Variants in CACNA1D observed in about 807,000 individuals in gnomAD.
The protein encoded by CACNA1D is calcium voltage-gated channel subunit alpha1 D.
A neutral mutation model predicts 257.1 loss-of-function variants in CACNA1D; 55 were observed. The ratio of observed to expected loss-of-function variants is 0.21; its 90% CI spans 0.17 to 0.27. The LOEUF is 0.27. Ranked by LOEUF, CACNA1D falls within the 10% of genes least tolerant of loss-of-function variation. CACNA1D has a pLI of 1.00. For missense variants in CACNA1D, 1,876 were observed against 2,784.0 expected (o/e 0.67, Z 7.34); for synonymous variants, 980 against 1,014.9 (o/e 0.97, Z 0.65).
At chr3:53,556,981 G>A (rs1301023547) in intron 3 of CACNA1D, among the ~76,000 whole-genome samples, 1 of 152,084 alleles carries the variant, frequency 6.6e-6, no homozygotes, top group Non-Finnish European at 1.5e-5. Context: ...CTCCCAAAGT[G>A]CTGGGATTAC....
chr3:53,666,452 A>C lies in CACNA1D; in HGVS notation c.1033A>C (p.Thr345Pro), dbSNP rs1199547685. 4.3e-6 allele frequency: 7 copies of C among 1,614,062 alleles called. No homozygotes were observed. The highest frequency in any genetic ancestry group is 2.2e-5 in the South Asian group (2 of 91,084). Residue 345 changes from threonine to proline, a missense_variant, in exon 7 of 48, where the codon ACC (threonine) becomes CCC (proline). By Grantham distance (38) the Thr-to-Pro change is conservative (BLOSUM62 -1). Transcript: ENST00000350061. ...CTGGGTTGGCCCGAACGGAGGCATCACCAACTTTGATAACTTTGCCTTTGC... is the reference window on the plus strand; with the variant it reads ...CTGGGTTGGCCCGAACGGAGGCATCCCCAACTTTGATAACTTTGCCTTTGC... ...SGWVGPNGGI[T>P]NFDNFAFAML...
At chr3:53,732,146 C>T in intron 18 of CACNA1D, 64 bp downstream of exon 18, 2 of 1,273,156 alleles carry the variant, frequency 1.6e-6, no homozygotes, top group Admixed American at 3.4e-5. Flanking sequence ...TCTGTGACCA[C>T]CTGCCGAGTC....
chr3:53,752,738 T>C (rs548456075), intron 28 of CACNA1D, among the ~76,000 whole-genome samples: 1 of 152,246 alleles, frequency 6.6e-6, no homozygotes, highest in Admixed American at 6.5e-5. Flanking sequence ...AGAGTAACAC[T>C]CAATGTTGGA....
chr3:53,800,489 G>C lies in CACNA1D; in HGVS notation c.5040+124G>C. 1 of 787,212 alleles carries C rather than the reference G, an allele frequency of 1.3e-6. No homozygotes were observed. The highest frequency in any genetic ancestry group is 2.4e-5 in the East Asian group (1 of 40,894). The allele number at this position is 787,212 out of a possible 1,614,324, so 48.8% of individuals were successfully genotyped here. The stretch of plus-strand genomic sequence containing the variant: ...GCAGCCCATCCCCAGGGCCTAGAGG[G>C]GCTTTCAGACCACACCCTCCCCCTC... On this transcript the variant is annotated intron_variant, in intron 41 of 47. Coordinates refer to ENST00000350061, the MANE Select transcript of CACNA1D (RefSeq NM_001128840.3). The surrounding 1 kb of genome is among the most constrained non-coding windows in gnomAD (Gnocchi z 4.3).
intron 3 of CACNA1D, among the ~76,000 whole-genome samples, chr3:53,555,881 G>A (rs895027812): frequency 6.6e-6 from 1 of 152,092 alleles, no homozygotes; most frequent in Non-Finnish European, 1.5e-5. Context: ...ATACAGTTCT[G>A]TGAGCTTTAA....
intron 9 of CACNA1D, among the ~76,000 whole-genome samples, chr3:53,712,023 A>C (rs1287811089): frequency 6.6e-6 from 1 of 152,268 alleles, no homozygotes; most frequent in African/African-American, 2.4e-5. Flanking sequence ...AAATAGTGTC[A>C]TGGACATAAG....
Position 53,803,460 on chromosome 3 carries a change from C to G in CACNA1D, c.5473C>G (p.Arg1825Gly). ...SGDEQLPTIC[R>G]EDPEIHGYFR... is the part of the protein sequence containing the mutation. ...AGATGAACAGCTCCCAACTATTTGCCGGGAAGACCCAGAGATACATGGCTA... is the reference window on the plus strand; with the variant it reads ...AGATGAACAGCTCCCAACTATTTGCGGGGAAGACCCAGAGATACATGGCTA... Residue 1825 changes from arginine to glycine, a missense_variant, in exon 44 of 48, where the codon CGG becomes GGG. By Grantham distance (125) the Arg-to-Gly change is moderately radical. Coordinates refer to ENST00000350061, the MANE Select transcript of CACNA1D (RefSeq NM_001128840.3). 1 of 1,614,200 alleles carries G rather than the reference C, an allele frequency of 6.2e-7. No individual in the cohort carries two copies. The highest frequency in any genetic ancestry group is 8.5e-7 in the Non-Finnish European group (1 of 1,180,012).
intron 8 of CACNA1D, among the ~76,000 whole-genome samples, chr3:53,680,811 A>G (rs1415129799): frequency 4.6e-5 from 7 of 152,244 alleles, no homozygotes; most frequent in Non-Finnish European, 1.0e-4. Context: ...GCTACTGTCA[A>G]CATTATGCTT....
intron 40 of CACNA1D, among the ~76,000 whole-genome samples, chr3:53,794,296 C>T (rs1436254598): frequency 1.3e-5 from 2 of 152,156 alleles, no homozygotes; most frequent in African/African-American, 4.8e-5. Flanking sequence ...AAGGAGCTGG[C>T]TAAGACTTAC....
chr3:53,590,151 G>A (rs1051014959), intron 3 of CACNA1D, among the ~76,000 whole-genome samples: 1 of 152,232 alleles, frequency 6.6e-6, no homozygotes, highest in Non-Finnish European at 1.5e-5. Context: ...TCCAGCCTCA[G>A]CTCATGCCAC....
At chr3:53,618,947 T>C (rs751526356) in intron 3 of CACNA1D, among the ~76,000 whole-genome samples, 5 of 152,206 alleles carry the variant, frequency 3.3e-5, no homozygotes, top group Non-Finnish European at 7.3e-5. Flanking sequence ...TCTTAGGTCC[T>C]AGGGTTTTGT....
At chr3:53,722,202 C>A (rs1559570479) in intron 11 of CACNA1D, 112 bp from the exon 12 acceptor site, 4 of 1,068,754 alleles carry the variant, frequency 3.7e-6, no homozygotes, top group Admixed American at 1.8e-5. Context: ...TCCTGCACTC[C>A]CACCCCAATC....
At chr3:53,607,171 C>T (rs1361504569) in intron 3 of CACNA1D, among the ~76,000 whole-genome samples, 1 of 152,144 alleles carries the variant, frequency 6.6e-6, no homozygotes, top group South Asian at 2.1e-4. Flanking sequence ...TTTTATTACC[C>T]TTGGGAAAAA....
chr3:53,698,806 C>CTTT (rs11393164), intron 8 of CACNA1D, among the ~76,000 whole-genome samples: 4 of 135,166 alleles, frequency 3.0e-5, no homozygotes, highest in African/African-American at 5.5e-5. Flanking sequence ...CACTTTATTG[C>CTTT]TTTTTTTTTT....
Position 53,684,656 on chromosome 3 carries a change from G to A in CACNA1D, c.1220+11530G>A, listed in dbSNP as rs117613635. Among the ~76,000 whole-genome samples the A allele has an allele frequency of 4.0e-3, 583 of 146,036 alleles. 24 individuals are homozygous for A. The East Asian group carries it at 0.084, about 21-fold the overall frequency. On this transcript the variant is annotated intron_variant, in intron 8 of 47. Coordinates refer to ENST00000350061, the MANE Select transcript of CACNA1D (RefSeq NM_001128840.3). ...AAAAAAAAAAAAAAGCATCAAAATG[G>A]CAAACAAAGATAAAAGATTTTTTCT...
At chr3:53,566,960 TAAG>T (rs1182166352) in intron 3 of CACNA1D, among the ~76,000 whole-genome samples, 1 of 152,234 alleles carries the variant, frequency 6.6e-6, no homozygotes, top group African/African-American at 2.4e-5. Context: ...AGCTATCTGT[TAAG>T]AAGGCATGCG....
chr3:53,759,861 G>T (rs2095290405), intron 29 of CACNA1D, among the ~76,000 whole-genome samples: 1 of 152,246 alleles, frequency 6.6e-6, no homozygotes, highest in African/African-American at 2.4e-5. Context: ...ACCTCTGACT[G>T]CTAGTCTAGA....
intron 3 of CACNA1D, among the ~76,000 whole-genome samples, chr3:53,561,959 A>G (rs2092748515): frequency 1.3e-5 from 2 of 152,242 alleles, no homozygotes; most frequent in South Asian, 2.1e-4. Flanking sequence ...GGAAAAGAAA[A>G]TGTAAACACA....
intron 9 of CACNA1D, among the ~76,000 whole-genome samples, chr3:53,710,701 G>A (rs758853564): frequency 9.3e-5 from 13 of 139,326 alleles, no homozygotes; most frequent in Non-Finnish European, 1.7e-4. Context: ...TAAAGAAGCA[G>A]CTGAACCAAC....
Sources: allele counts gnomAD v4.1 joint callset (sites outside exome capture counted in the v4.1 genomes callset), GRCh38; gene constraint gnomAD v4.1.1; non-coding constraint Gnocchi (gnomAD v3.1); transcripts MANE v1.5; gene names NCBI Gene and HGNC (gene_info 2026-07-23, HGNC 2026-07-21).